The following KCNIP1 variants were observed in gnomAD, a reference collection of about 807,000 sequenced individuals.
KCNIP1 encodes the protein potassium voltage-gated channel interacting protein 1.
A neutral mutation model predicts 33.0 loss-of-function variants in KCNIP1; 18 were observed. That is an observed-to-expected ratio of 0.55 (90% CI 0.38 to 0.81). KCNIP1 has a LOEUF of 0.81. Among genes scored for constraint, KCNIP1 ranks in the 30% least tolerant of loss-of-function variants. KCNIP1 has a pLI of 0.00. For synonymous variants in KCNIP1, 93 were observed against 98.3 expected (o/e 0.95, Z 0.32); for missense variants, 238 against 271.6 (o/e 0.88, Z 0.87).
chr5:170,523,238 C>T (rs906443205), intron 1 of KCNIP1, among the ~76,000 whole-genome samples: 1 of 152,186 alleles, frequency 6.6e-6, no homozygotes, highest in East Asian at 1.9e-4. Flanking sequence ...GTTCCCTCGG[C>T]CAGGGACTGC....
At chr5:170,534,856 A>G (rs1465506283) in intron 1 of KCNIP1, among the ~76,000 whole-genome samples, 25 of 150,958 alleles carry the variant, frequency 1.7e-4, no homozygotes, top group Admixed American at 1.6e-3. Context: ...AACAGAGGCT[A>G]CAGACAAGAC....
intron 1 of KCNIP1, among the ~76,000 whole-genome samples, chr5:170,549,829 C>G (rs1756542509): frequency 6.6e-6 from 1 of 152,106 alleles, no homozygotes; most frequent in Admixed American, 6.5e-5. Context: ...ATAGAAGGAA[C>G]TTGGAGGAGT....
intron 1 of KCNIP1, among the ~76,000 whole-genome samples, chr5:170,606,569 A>G (rs1758928760): frequency 6.6e-6 from 1 of 152,112 alleles, no homozygotes; most frequent in African/African-American, 2.4e-5. Context: ...GGAGTCCCTG[A>G]CCCAGAAGGT....
At chr5:170,639,457 G>A (rs754107930) in intron 1 of KCNIP1, 8 of 152,234 alleles carry the variant, frequency 5.3e-5, no homozygotes, top group Non-Finnish European at 8.8e-5. Flanking sequence ...GGCGAGGGCC[G>A]GCTCTGAGGA....
At chr5:170,539,875 T>C (rs1434523083) in intron 1 of KCNIP1, among the ~76,000 whole-genome samples, 1 of 152,178 alleles carries the variant, frequency 6.6e-6, no homozygotes, top group African/African-American at 2.4e-5. Flanking sequence ...AAATGTGTCT[T>C]CTAAGCCCAG....
intron 1 of KCNIP1, among the ~76,000 whole-genome samples, chr5:170,439,393 C>A (rs867435066): frequency 1.3e-5 from 2 of 152,194 alleles, no homozygotes; most frequent in Admixed American, 6.5e-5. Flanking sequence ...GGGCCCCGGG[C>A]TGGGCTGCCT....
intron 1 of KCNIP1, among the ~76,000 whole-genome samples, chr5:170,562,588 AAAAGCCTTTCCC>A (rs1757070439): frequency 6.6e-6 from 1 of 152,198 alleles, no homozygotes; most frequent in Non-Finnish European, 1.5e-5. Context: ...TTTATTTTGC[AAAAGCCTTTCCC>A]AAAGCCTGGC....
intron 1 of KCNIP1, chr5:170,639,408 G>A (rs1481177869): frequency 6.6e-6 from 1 of 152,210 alleles, no homozygotes; most frequent in Non-Finnish European, 1.5e-5. Context: ...CAATCTGTTG[G>A]GTATTTGAGT....
At chr5:170,705,201 C>T (rs1243874886) in intron 1 of KCNIP1, among the ~76,000 whole-genome samples, 1 of 152,168 alleles carries the variant, frequency 6.6e-6, no homozygotes, top group South Asian at 2.1e-4. Flanking sequence ...AGCTGAATAA[C>T]TTCATTAATA....
chr5:170,555,595 T>G (rs1756817803), intron 1 of KCNIP1, among the ~76,000 whole-genome samples: 1 of 152,282 alleles, frequency 6.6e-6, no homozygotes, highest in East Asian at 1.9e-4. Flanking sequence ...AGAGCACACA[T>G]GCCCTCATGC....
intron 1 of KCNIP1, among the ~76,000 whole-genome samples, chr5:170,664,703 G>A (rs146387963): frequency 2.9e-5 from 4 of 136,798 alleles, no homozygotes; most frequent in Non-Finnish European, 7.0e-5. Context: ...CTGCCCTCAA[G>A]GGGTTTTCAG....
intron 1 of KCNIP1, among the ~76,000 whole-genome samples, chr5:170,469,655 C>A (rs1042098156): frequency 1.3e-5 from 2 of 152,142 alleles, no homozygotes; most frequent in Non-Finnish European, 2.9e-5. Context: ...CCGCTAGAGG[C>A]TTCTCAGTTC....
intron 1 of KCNIP1, among the ~76,000 whole-genome samples, chr5:170,693,840 G>C (rs980051478): frequency 6.6e-6 from 1 of 152,240 alleles, no homozygotes; most frequent in Non-Finnish European, 1.5e-5. Flanking sequence ...CTGAGGAAGG[G>C]CTGGCAGCCT....
chr5:170,687,428 CT>C (rs367590650), intron 1 of KCNIP1, among the ~76,000 whole-genome samples: 10 of 152,310 alleles, frequency 6.6e-5, no homozygotes, highest in African/African-American at 2.2e-4. Context: ...GATCCACGCA[CT>C]TCGGCCTCCC....
chr5:170,438,861 T>C (rs1166780683), intron 1 of KCNIP1, among the ~76,000 whole-genome samples: 1 of 152,180 alleles, frequency 6.6e-6, no homozygotes, highest in Non-Finnish European at 1.5e-5. Context: ...AGCGGCACAC[T>C]GTGGTGCTGG....
At chr5:170,604,088 G>T (rs997299571) in intron 1 of KCNIP1, among the ~76,000 whole-genome samples, 4 of 152,186 alleles carry the variant, frequency 2.6e-5, no homozygotes, top group African/African-American at 9.7e-5. Flanking sequence ...CCCTGGCATG[G>T]TGACGGCCCG....
At chr5:170,423,558 T>C (rs994960698) in intron 1 of KCNIP1, among the ~76,000 whole-genome samples, 4 of 152,212 alleles carry the variant, frequency 2.6e-5, no homozygotes, top group African/African-American at 9.7e-5. Context: ...ATGTCTAAGT[T>C]GTTTCAAAAC....
intron 1 of KCNIP1, among the ~76,000 whole-genome samples, chr5:170,401,983 G>A (rs1032865378): frequency 1.4e-4 from 22 of 152,258 alleles, no homozygotes; most frequent in African/African-American, 5.3e-4. Context: ...CCCTCCAAAG[G>A]CTCTAAGGGG....
intron 1 of KCNIP1, among the ~76,000 whole-genome samples, chr5:170,586,793 A>G (rs188881488): frequency 1.2e-3 from 180 of 152,314 alleles, no homozygotes; most frequent in Non-Finnish European, 2.2e-3. Flanking sequence ...GCAGAGTTGT[A>G]CACTTCATTG....
Sources: gnomAD v4.1 joint callset for allele counts (sites outside exome capture counted in the v4.1 genomes callset) on GRCh38, gnomAD v4.1.1 for gene constraint, MANE v1.5 for transcripts, NCBI Gene and HGNC (gene_info 2026-07-23, HGNC 2026-07-21) for gene names.